The following ALCAM variants were observed in gnomAD, a reference collection of about 807,000 sequenced individuals.
ALCAM encodes activated leukocyte cell adhesion molecule.
ALCAM carries 30 observed loss-of-function variants against 70.9 expected under a neutral mutation model. The observed-to-expected ratio is 0.42, with a 90% confidence interval of 0.32 to 0.57. ALCAM has a LOEUF of 0.57. ALCAM is among the 20% of genes least tolerant of loss of function. The pLI, the probability that ALCAM is intolerant of heterozygous loss-of-function variation, is 0.11. For missense variants in ALCAM, 591 were observed against 695.1 expected, an observed-to-expected ratio of 0.85 and a Z score of 1.68; for synonymous variants, 249 against 242.5, an observed-to-expected ratio of 1.03 and a Z score of -0.25.
intron 1 of ALCAM, among the ~76,000 whole-genome samples, chr3:105,457,728 G>A (rs1015420297): frequency 7.9e-5 from 12 of 152,008 alleles, no homozygotes; most frequent in Non-Finnish European, 1.6e-4. Context: ...CCCAAAACAG[G>A]GAGATGTCAA....
At chr3:105,390,636 C>T (rs935239098) in intron 1 of ALCAM, among the ~76,000 whole-genome samples, 2 of 152,016 alleles carry the variant, frequency 1.3e-5, no homozygotes, top group South Asian at 4.1e-4. Context: ...GCCTTTGTTG[C>T]CACTGCTTTT....
Position 105,483,235 on chromosome 3 carries a change from C to T in ALCAM, c.74-36832C>T, listed in dbSNP as rs1182636609. Among the ~76,000 whole-genome samples the T allele has an allele frequency of 5.3e-5, 8 of 152,094 alleles. No individual in the cohort carries two copies. In the South Asian group the frequency reaches 6.2e-4, roughly 12 times the overall value. On this transcript the variant is annotated intron_variant, in intron 1 of 15. Coordinates refer to ENST00000306107, the MANE Select transcript of ALCAM (RefSeq NM_001627.4). Reference sequence around the variant, plus strand: ...AGGGGAGAAGCTATATCTTAGTCATCGTTTACTCATTTCTGTCCTATTTAT... The same window carrying T: ...AGGGGAGAAGCTATATCTTAGTCATTGTTTACTCATTTCTGTCCTATTTAT...
At chr3:105,553,252 C>A in intron 14 of ALCAM, 2 of 390,536 alleles carry the variant, frequency 5.1e-6, no homozygotes, top group Non-Finnish European at 3.5e-6. Context: ...ATCCGATGAA[C>A]CAGCGAAGAT....
intron 1 of ALCAM, among the ~76,000 whole-genome samples, chr3:105,479,571 A>G (rs1361524160): frequency 6.6e-6 from 1 of 152,226 alleles, no homozygotes; most frequent in Non-Finnish European, 1.5e-5. Context: ...AAAGAGAGAC[A>G]ACGAGCTTCA....
At chr3:105,396,483 C>T (rs138109442) in intron 1 of ALCAM, among the ~76,000 whole-genome samples, 11 of 151,996 alleles carry the variant, frequency 7.2e-5, no homozygotes, top group African/African-American at 2.4e-4. Flanking sequence ...AACTGAGAAA[C>T]GGGACAAGAT....
chr3:105,437,663 C>T (rs1319858129), intron 1 of ALCAM, among the ~76,000 whole-genome samples: 1 of 151,946 alleles, frequency 6.6e-6, no homozygotes, highest in Non-Finnish European at 1.5e-5. Flanking sequence ...ATAGCTTCTT[C>T]CTCTGATTGT....
At chr3:105,501,368 G>T (rs1211837297) in intron 1 of ALCAM, among the ~76,000 whole-genome samples, 10 of 152,124 alleles carry the variant, frequency 6.6e-5, no homozygotes, top group Non-Finnish European at 2.9e-5. Context: ...AGAAATAACA[G>T]TTATCAAGGA....
At chr3:105,521,870 G>C (rs969250888) in intron 2 of ALCAM, among the ~76,000 whole-genome samples, 1 of 152,152 alleles carries the variant, frequency 6.6e-6, no homozygotes, top group Admixed American at 6.5e-5. Flanking sequence ...CAGTTCACTC[G>C]AGGTAACTTT....
At chr3:105,548,805 C>T (rs191279126) in intron 11 of ALCAM, among the ~76,000 whole-genome samples, 2 of 151,392 alleles carry the variant, frequency 1.3e-5, no homozygotes, top group Admixed American at 6.6e-5. Flanking sequence ...ATCTAAATTG[C>T]TGACAATGTG....
At chr3:105,445,361 C>T (rs1329357121) in intron 1 of ALCAM, among the ~76,000 whole-genome samples, 3 of 152,080 alleles carry the variant, frequency 2.0e-5, no homozygotes, top group African/African-American at 4.8e-5. Context: ...ATATTTTGTG[C>T]TCATGAATTA....
chr3:105,449,714 G>T (rs942049342), intron 1 of ALCAM, among the ~76,000 whole-genome samples: 1 of 152,126 alleles, frequency 6.6e-6, no homozygotes, highest in Non-Finnish European at 1.5e-5. Flanking sequence ...TCAAGTGAAG[G>T]TTGATAAGTG....
At chr3:105,401,670 T>G (rs1012705277) in intron 1 of ALCAM, among the ~76,000 whole-genome samples, 1 of 152,156 alleles carries the variant, frequency 6.6e-6, no homozygotes, top group Non-Finnish European at 1.5e-5. Context: ...TAGAAAGACT[T>G]CTTCATATTA....
chr3:105,481,411 T>G (rs1194476011), intron 1 of ALCAM, among the ~76,000 whole-genome samples: 4 of 152,198 alleles, frequency 2.6e-5, no homozygotes, highest in Non-Finnish European at 5.9e-5. Context: ...AATTTCATTT[T>G]TCACTGATGG....
intron 1 of ALCAM, among the ~76,000 whole-genome samples, chr3:105,494,824 T>C (rs1412910638): frequency 1.3e-5 from 2 of 152,070 alleles, no homozygotes; most frequent in Non-Finnish European, 2.9e-5. Context: ...CACACCTGGC[T>C]AATCTTTTCG....
intron 1 of ALCAM, among the ~76,000 whole-genome samples, chr3:105,367,999 C>G (rs1013744149): frequency 6.6e-6 from 1 of 151,912 alleles, no homozygotes; most frequent in African/African-American, 2.4e-5. Context: ...CCCCCCGCCC[C>G]CCTTGCGAAA....
At chr3:105,387,644 G>A (rs1373903521) in intron 1 of ALCAM, among the ~76,000 whole-genome samples, 2 of 151,476 alleles carry the variant, frequency 1.3e-5, no homozygotes, top group African/African-American at 2.4e-5. Flanking sequence ...AATCAGTAAC[G>A]GTTACCAGGA....
At chr3:105,552,941 A>C in intron 14 of ALCAM, 5 of 1,070,072 alleles carry the variant, frequency 4.7e-6, no homozygotes, top group Non-Finnish European at 5.7e-6. Flanking sequence ...AAAAGTACCT[A>C]GTACATCTTG....
At chr3:105,554,745 G>A (rs1940480904) in intron 14 of ALCAM, among the ~76,000 whole-genome samples, 2 of 148,982 alleles carry the variant, frequency 1.3e-5, no homozygotes, top group Admixed American at 1.4e-4. Context: ...TTTTATAGAA[G>A]TTCTCCTTCT....
At chr3:105,457,526 T>A (rs568534907) in intron 1 of ALCAM, among the ~76,000 whole-genome samples, 1 of 152,126 alleles carries the variant, frequency 6.6e-6, no homozygotes, top group African/African-American at 2.4e-5. Flanking sequence ...GTAACAAACC[T>A]GCACTTGTAC....
Sources: gnomAD v4.1 joint callset for allele counts (sites outside exome capture counted in the v4.1 genomes callset) on GRCh38, gnomAD v4.1.1 for gene constraint, MANE v1.5 for transcripts, NCBI Gene and HGNC (gene_info 2026-07-23, HGNC 2026-07-21) for gene names.